KLC1: variants seen among roughly 807,000 people sequenced by gnomAD.
The protein encoded by KLC1 is kinesin light chain 1.
A neutral mutation model predicts 84.2 loss-of-function variants in KLC1; 30 were observed. That is an observed-to-expected ratio of 0.36 (90% confidence interval 0.27 to 0.48). The LOEUF (loss-of-function observed/expected upper bound fraction) is 0.48, where lower values mean the gene tolerates loss of function less well. KLC1 is among the 20% of genes least tolerant of loss of function. KLC1 has a pLI of 0.99. For missense variants in KLC1, 499 were observed against 805.4 expected (o/e 0.62, Z 4.60); for synonymous variants, 289 against 293.3 (o/e 0.99, Z 0.15).
chr14:103,653,614 C>T (rs898391308), intron 1 of KLC1, among the ~76,000 whole-genome samples: 1 of 152,208 alleles, frequency 6.6e-6, no homozygotes, highest in Non-Finnish European at 1.5e-5. Context: ...AGCCACCATG[C>T]CTGGCTGTCC....
At chr14:103,670,160 G>T (rs377594364) in intron 6 of KLC1, 22 bp from the exon 7 acceptor site, 6 of 1,560,630 alleles carry the variant, frequency 3.8e-6, no homozygotes, top group Non-Finnish European at 1.8e-6. Context: ...ACCATTCTTA[G>T]TGGTTCTCTC....
intron 1 of KLC1, among the ~76,000 whole-genome samples, chr14:103,649,695 T>G (rs995704729): frequency 1.3e-5 from 2 of 151,152 alleles, no homozygotes; most frequent in Non-Finnish European, 2.9e-5. Flanking sequence ...GGGCTTCTTA[T>G]GTGTTTTTTT....
chr14:103,685,850 G>C, intron 13 of KLC1: 1 of 1,176,654 alleles, frequency 8.5e-7, no homozygotes, highest in Non-Finnish European at 1.1e-6. Flanking sequence ...TGCCAGATAT[G>C]TACTTAGTAA....
At chr14:103,638,852 A>C (rs936302105) in intron 1 of KLC1, among the ~76,000 whole-genome samples, 2 of 151,640 alleles carry the variant, frequency 1.3e-5, no homozygotes, top group East Asian at 1.9e-4. Flanking sequence ...GTGTGTGAGC[A>C]CAGTGGTGCA....
intron 9 of KLC1, among the ~76,000 whole-genome samples, chr14:103,674,011 C>T (rs1237127791): frequency 6.6e-6 from 1 of 152,066 alleles, no homozygotes; most frequent in Non-Finnish European, 1.5e-5. Context: ...GTGCCCAGAG[C>T]CCATAACATG....
chr14:103,645,710 ACTAAACATAT>A (rs1323954011), intron 1 of KLC1, among the ~76,000 whole-genome samples: 1 of 152,066 alleles, frequency 6.6e-6, no homozygotes, highest in Admixed American at 6.6e-5. Context: ...TATTTGTGCA[ACTAAACATAT>A]CTAAACATAG....
At chr14:103,696,138 C>G in intron 15 of KLC1, 4 of 976,852 alleles carry the variant, frequency 4.1e-6, no homozygotes, top group Non-Finnish European at 4.8e-6. Context: ...GTGCAGCGCC[C>G]GTCCCCAGCA....
At chr14:103,653,332 T>C (rs1210986963) in intron 1 of KLC1, among the ~76,000 whole-genome samples, 2 of 152,150 alleles carry the variant, frequency 1.3e-5, no homozygotes, top group African/African-American at 4.8e-5. Flanking sequence ...TATTTTTATT[T>C]ATTTATTTAG....
chr14:103,687,331 T>G, intron 14 of KLC1, 120 bp downstream of exon 14: 1 of 1,040,076 alleles, frequency 9.6e-7, no homozygotes. Context: ...GGTTCCCGTA[T>G]TCTCACAACC....
In KLC1 at chr14:103,692,536, G is replaced by T. The variant is rs1006894967; in HGVS notation, c.1848+111G>T. ...GCCCCTGCTCCTGCAGAGGGCTGGG[G>T]ACGCCGCCACGTTTGTTCCTAGACA... On this transcript the variant is annotated intron_variant, in intron 15 of 16. Transcript: ENST00000334553. 1.5e-5 allele frequency: 12 copies of T among 793,790 alleles called. No individual in the cohort carries two copies. In the African/African-American group the frequency reaches 1.9e-4, roughly 13 times the overall value. The allele number at this position is 793,790 out of a possible 1,614,324, so 49.2% of individuals were successfully genotyped here. A position where few individuals can be genotyped will look rare whatever the true frequency, so the allele number is the denominator to read the frequency against.
intron 3 of KLC1, among the ~76,000 whole-genome samples, chr14:103,659,257 G>A (rs1006889816): frequency 1.3e-5 from 2 of 152,204 alleles, no homozygotes; most frequent in Non-Finnish European, 2.9e-5. Context: ...GAGCCACCAC[G>A]ACCGGCTTCA....
At chr14:103,664,034 G>T (rs77076648) in intron 5 of KLC1, among the ~76,000 whole-genome samples, 1 of 152,166 alleles carries the variant, frequency 6.6e-6, no homozygotes, top group Non-Finnish European at 1.5e-5. Flanking sequence ...GTTCCCTTTG[G>T]CTCTGTAGTT....
chr14:103,691,627 C>A (rs528277739), intron 14 of KLC1, among the ~76,000 whole-genome samples: 15 of 151,958 alleles, frequency 9.9e-5, no homozygotes, highest in African/African-American at 3.6e-4. Context: ...TGCCACCATG[C>A]CCAGCTAATT....
In KLC1 at chr14:103,679,488, G is replaced by C; in HGVS notation, c.1593G>C (p.Lys531Asn). 6.2e-7 allele frequency: 1 copy of C among 1,614,132 alleles called. No homozygotes were observed. Among genetic ancestry groups the C allele is most frequent in the South Asian group, 1.1e-5 (1 of 91,078 alleles). ...SRESLNVDVVKYESGPDGGEE... is the reference protein window; with the variant it reads ...SRESLNVDVVNYESGPDGGEE... ...AGAGCCTCAACGTGGACGTGGTCAA[G>C]TACGAGAGTGGCCCTGACGGAGGGG... The change falls in exon 13 of 17, where the codon AAG (lysine) becomes AAC (asparagine). Residue 531 changes from lysine (K) to asparagine (N), a missense_variant. Physicochemically the swap from Lys to Asn is moderately conservative, Grantham distance 94 (BLOSUM62 0). Coordinates refer to ENST00000334553, the MANE Select transcript of KLC1 (RefSeq NM_001394837.1).
intron 1 of KLC1, among the ~76,000 whole-genome samples, chr14:103,648,591 T>C (rs1335470295): frequency 2.0e-5 from 3 of 151,586 alleles, no homozygotes; most frequent in African/African-American, 7.3e-5. Context: ...AAGGCCAGCC[T>C]CGGCAACATG....
At position 103,673,449 on chromosome 14, in the gene KLC1, G is replaced by T; in HGVS notation, c.1261+18G>T. 1 of 1,440,662 alleles carries T rather than the reference G, an allele frequency of 6.9e-7. No homozygotes were observed. Among genetic ancestry groups the T allele is most frequent in the Non-Finnish European group, 9.6e-7 (1 of 1,044,310 alleles). 89.2% of individuals were successfully genotyped at this position (1,440,662 alleles called of 1,614,324 possible). The stretch of plus-strand genomic sequence containing the variant: ...TGTAGATGGTAAGAAATATACTCCC[G>T]TTTCAAGTGAATTTAATTGTATAAT... On this transcript the variant is annotated intron_variant, in intron 9 of 16. Coordinates refer to ENST00000334553, the MANE Select transcript of KLC1 (RefSeq NM_001394837.1).
intron 14 of KLC1, among the ~76,000 whole-genome samples, chr14:103,688,932 T>C (rs1371403941): frequency 2.0e-5 from 3 of 152,228 alleles, no homozygotes; most frequent in Non-Finnish European, 4.4e-5. Context: ...GGAATAGTGA[T>C]CTTATTTTAA....
chr14:103,696,455 A>C (rs374293836), intron 15 of KLC1: 2 of 984,974 alleles, frequency 2.0e-6, no homozygotes, highest in Non-Finnish European at 2.4e-6. Flanking sequence ...GATGTATTAA[A>C]CATTGCTAAT....
rs1341279730 is a variant in KLC1 at position 103,629,426 on chromosome 14, C to CCG, written c.-60_-59dup. On this transcript the variant is annotated 5_prime_UTR_variant, in exon 1 of 17. Transcript: ENST00000334553. ...GCGGGCTCGGCGCACAGTCGCTGCT[C>CCG]CGCGCGCGCGCCCGGCGGCGCTCCA... 6.6e-6 allele frequency: 1 copy of CCG among 152,172 alleles called. No individual in the cohort carries two copies. Among genetic ancestry groups the CCG allele is most frequent in the African/African-American group, 2.4e-5 (1 of 41,442 alleles). 9.4% of individuals were successfully genotyped at this position (152,172 alleles called of 1,614,324 possible). A position where few individuals can be genotyped will look rare whatever the true frequency, so the allele number is the denominator to read the frequency against.
Sources: gnomAD v4.1 joint callset for allele counts (sites outside exome capture counted in the v4.1 genomes callset) on GRCh38, gnomAD v4.1.1 for gene constraint, MANE v1.5 for transcripts, NCBI Gene and HGNC (gene_info 2026-07-23, HGNC 2026-07-21) for gene names.